The following SCN3A variants were observed in gnomAD, a reference collection of about 807,000 sequenced individuals.
SCN3A encodes the protein sodium channel protein type 3 subunit alpha.
In SCN3A, 60 loss-of-function variants were observed where a neutral mutation model predicts 187.6. That is an observed-to-expected ratio of 0.32 (90% CI 0.26 to 0.40). The LOEUF is 0.40. Among genes scored for constraint, SCN3A ranks in the 10% least tolerant of loss-of-function variants. The probability of loss-of-function intolerance (pLI) is 1.00; values close to 1 mark genes in which losing one functional copy is unlikely to be tolerated. For synonymous variants in SCN3A, 788 were observed against 829.2 expected, an observed-to-expected ratio of 0.95 and a Z score of 0.85; for missense variants, 1,601 against 2,428.2, an observed-to-expected ratio of 0.66 and a Z score of 7.16.
chr2:165,100,323 T>C lies in SCN3A; in HGVS notation c.3945A>G (p.Leu1315=). 1 of 1,613,956 alleles carries C rather than the reference T, an allele frequency of 6.2e-7. No individual in the cohort carries two copies. Among genetic ancestry groups the C allele is most frequent in the Non-Finnish European group, 8.5e-7 (1 of 1,179,888 alleles). The part of the protein sequence containing the change: ...TLRALRPLRA[L]SRFEGMRVVV... ...TTACCCTCATGCCTTCAAACCGGGA[T>C]AAGGCTCTTAGAGGTCTTAAAGCTC... Residue 1315 remains leucine, a synonymous_variant, in exon 22 of 28, where the codon TTA becomes TTG. Transcript: ENST00000283254.
chr2:165,135,190 A>G (rs1454827324), intron 15 of SCN3A, among the ~76,000 whole-genome samples: 3 of 152,040 alleles, frequency 2.0e-5, no homozygotes, highest in Non-Finnish European at 2.9e-5. Flanking sequence ...TTGAATCCCT[A>G]TGATGGGAGC....
chr2:165,132,766 C>T (rs919557377), intron 15 of SCN3A, among the ~76,000 whole-genome samples: 34 of 152,198 alleles, frequency 2.2e-4, no homozygotes, highest in Middle Eastern at 3.4e-3. Flanking sequence ...GCGACAAAAG[C>T]CAAAATTGAC....
At chr2:165,125,530 G>A (rs2105753241) in intron 18 of SCN3A, among the ~76,000 whole-genome samples, 1 of 152,142 alleles carries the variant, frequency 6.6e-6, no homozygotes, top group East Asian at 1.9e-4. Context: ...TACTAGCTAG[G>A]ATGGTCTCGA....
intron 21 of SCN3A, among the ~76,000 whole-genome samples, chr2:165,111,140 GC>G (rs911202032): frequency 6.6e-6 from 1 of 152,066 alleles, no homozygotes; most frequent in African/African-American, 2.4e-5. Context: ...TTTGAGACCA[GC>G]CTGGCCAACA....
chr2:165,114,334 G>A (rs1274166076), intron 19 of SCN3A, among the ~76,000 whole-genome samples: 1 of 152,182 alleles, frequency 6.6e-6, no homozygotes, highest in Non-Finnish European at 1.5e-5. Flanking sequence ...ATATTTTGAT[G>A]TGATCCTGGG....
intron 5 of SCN3A, among the ~76,000 whole-genome samples, chr2:165,167,737 T>A (rs1689861010): frequency 6.6e-6 from 1 of 152,156 alleles, no homozygotes; most frequent in South Asian, 2.1e-4. Context: ...TTCCCCAGCA[T>A]ATTGATGTTT....
intron 11 of SCN3A, among the ~76,000 whole-genome samples, chr2:165,152,301 T>C: frequency 6.6e-6 from 1 of 152,166 alleles, no homozygotes; most frequent in Admixed American, 6.5e-5. Context: ...TTCACAATGT[T>C]AATTAGAGAT....
At chr2:165,193,269 T>G (rs923172183) in intron 1 of SCN3A, among the ~76,000 whole-genome samples, 1 of 152,098 alleles carries the variant, frequency 6.6e-6, no homozygotes, top group Non-Finnish European at 1.5e-5. Context: ...ATCAATAGTT[T>G]TTCTATTTTA....
chr2:165,174,723 A>C (rs1482472944), intron 3 of SCN3A, among the ~76,000 whole-genome samples: 1 of 152,180 alleles, frequency 6.6e-6, no homozygotes, highest in Non-Finnish European at 1.5e-5. Flanking sequence ...GGGGTGACTT[A>C]TTGTAATCAT....
At chr2:165,101,638 G>T (rs955013896) in intron 21 of SCN3A, among the ~76,000 whole-genome samples, 8 of 152,292 alleles carry the variant, frequency 5.3e-5, no homozygotes, top group Middle Eastern at 3.4e-3. Flanking sequence ...TACATAACTA[G>T]TGCTTTCCTT....
intron 18 of SCN3A, among the ~76,000 whole-genome samples, chr2:165,116,931 C>A (rs1686394853): frequency 7.1e-6 from 1 of 141,070 alleles, no homozygotes; most frequent in Admixed American, 7.3e-5. Flanking sequence ...TTCTTAGGGT[C>A]ATGATAGCAC....
chr2:165,098,557 T>G (rs1224377201), intron 22 of SCN3A, among the ~76,000 whole-genome samples: 1 of 152,206 alleles, frequency 6.6e-6, no homozygotes, highest in Non-Finnish European at 1.5e-5. Context: ...TGTTTCTGGC[T>G]GGGCCCGTAA....
chr2:165,170,719 G>A (rs1406113006), intron 3 of SCN3A, among the ~76,000 whole-genome samples, 171 bp from the exon 4 acceptor site: 1 of 151,862 alleles, frequency 6.6e-6, no homozygotes, highest in African/African-American at 2.4e-5. Context: ...TTAACATATA[G>A]TTACAAATAA....
In SCN3A at chr2:165,131,279, C is replaced by T. The variant is rs1687300653; in HGVS notation, c.2530G>A (p.Val844Met). ...GATCGCAGTACAGACAATCCCTCCA[C>T]ATTTGACAGACCAAGCTCCATTAAA... ...LSLMELGLSN[V>M]EGLSVLRSFR... Residue 844 changes from valine to methionine, a missense_variant, in exon 16 of 28, where the codon GTG becomes ATG. Coordinates refer to ENST00000283254, the MANE Select transcript of SCN3A (RefSeq NM_006922.4). 2 of 1,600,768 alleles carry T rather than the reference C, an allele frequency of 1.2e-6. No homozygotes were observed. The highest frequency in any genetic ancestry group is 1.7e-6 in the Non-Finnish European group (2 of 1,171,930).
At chr2:165,188,882 A>G (rs1691417180) in intron 1 of SCN3A, among the ~76,000 whole-genome samples, 1 of 151,200 alleles carries the variant, frequency 6.6e-6, no homozygotes, top group African/African-American at 2.4e-5. Context: ...ATTTCTGGAG[A>G]TTCTGCAAAA....
chr2:165,134,160 T>G (rs1687524340), intron 15 of SCN3A, among the ~76,000 whole-genome samples: 1 of 152,176 alleles, frequency 6.6e-6, no homozygotes, highest in Non-Finnish European at 1.5e-5. Context: ...AATAAGTCAC[T>G]TGAGTGGCTA....
rs141721697 is a variant in SCN3A, at chr2:165,153,509, A to G, written c.1380+943T>C. On this transcript the variant is annotated intron_variant, in intron 11 of 27. Transcript: ENST00000283254. ...GACTTACATCCCAAAGAGTCAAAGA[A>G]TGCTCAAAACTCAATAATATGAAAT... is the stretch of plus-strand genomic sequence containing the variant. Among the ~76,000 whole-genome samples the G allele has an allele frequency of 1.8e-3, 278 of 152,238 alleles. 2 individuals are homozygous for G. The highest frequency in any genetic ancestry group is 4.4e-3 in the Admixed American group (67 of 15,294).
At chr2:165,120,044 G>T (rs191344932) in intron 18 of SCN3A, among the ~76,000 whole-genome samples, 8 of 152,124 alleles carry the variant, frequency 5.3e-5, no homozygotes, top group Admixed American at 5.2e-4. Context: ...GAAACGAGTG[G>T]GTCTACAGAG....
In SCN3A at chr2:165,133,217, A is replaced by G. The variant is rs574381734; in HGVS notation, c.2392-1800T>C. ...AACTAGTTCAACCAATGTGGAAGTC[A>G]GTGTGGCGATTCCTCAGGGATCTAG... On this transcript the variant is annotated intron_variant, in intron 15 of 27. Transcript: ENST00000283254. Among the ~76,000 whole-genome samples, 7 of 152,342 alleles carry G rather than the reference A, an allele frequency of 4.6e-5. No homozygotes were observed. In the South Asian group the frequency reaches 8.3e-4, roughly 18 times the overall value.
Sources: allele counts gnomAD v4.1 joint callset (sites outside exome capture counted in the v4.1 genomes callset), GRCh38; gene constraint gnomAD v4.1.1; transcripts MANE v1.5; gene names NCBI Gene and HGNC (gene_info 2026-07-23, HGNC 2026-07-21).